The following CIAPIN1 variants were observed in gnomAD, a reference collection of about 807,000 sequenced individuals.
CIAPIN1 encodes cytokine induced apoptosis inhibitor 1.
A neutral mutation model predicts 34.3 loss-of-function variants in CIAPIN1; 18 were observed. The observed-to-expected ratio is 0.52, with a 90% CI of 0.36 to 0.78. The LOEUF is 0.78. Among genes scored for constraint, CIAPIN1 ranks in the 30% least tolerant of loss-of-function variants. CIAPIN1 has a pLI of 0.00. For synonymous variants in CIAPIN1, 131 were observed against 140.4 expected (o/e 0.93, Z 0.47); for missense variants, 310 against 372.5 (o/e 0.83, Z 1.38).
chr16:57,429,954 T>C (rs2146554066), intron 8 of CIAPIN1, among the ~76,000 whole-genome samples: 1 of 152,292 alleles, frequency 6.6e-6, no homozygotes, highest in African/African-American at 2.4e-5. Context: ...CATAGTTCTA[T>C]ATTCTATGCA....
intron 1 of CIAPIN1, among the ~76,000 whole-genome samples, chr16:57,443,255 T>C (rs1486175600): frequency 6.7e-6 from 1 of 150,074 alleles, no homozygotes; most frequent in Non-Finnish European, 1.5e-5. Flanking sequence ...TTCTCACGCC[T>C]CAGTTTCCTG....
Position 57,436,527 on chromosome 16 carries a change from C to A in CIAPIN1, c.387+129G>T, listed in dbSNP as rs926265451. The A allele has an allele frequency of 3.7e-5, 22 of 596,974 alleles. No homozygotes were observed. In the African/African-American group the frequency reaches 4.3e-4, roughly 12 times the overall value. 37.0% of individuals were successfully genotyped at this position (596,974 alleles called of 1,614,324 possible). ...ACAGACGTGAGCCACCACACCCGGC[C>A]GATTCTCCCAAGTTTTGTCCTTTGA... On this transcript the variant is annotated intron_variant, in intron 4 of 8. Transcript: ENST00000394391.
At chr16:57,431,966 G>A (rs1903097028) in intron 6 of CIAPIN1, among the ~76,000 whole-genome samples, 1 of 152,222 alleles carries the variant, frequency 6.6e-6, no homozygotes, top group African/African-American at 2.4e-5. Flanking sequence ...CATATCGTAT[G>A]AAGTGAGAAC....
intron 4 of CIAPIN1, among the ~76,000 whole-genome samples, chr16:57,435,573 A>G (rs1443463698): frequency 1.3e-5 from 2 of 152,174 alleles, no homozygotes; most frequent in African/African-American, 4.8e-5. Flanking sequence ...TGGGTAGATC[A>G]CCTGAGGTCA....
rs376312615 is a variant in CIAPIN1 at position 57,432,436 on chromosome 16, C to T, written c.630+51G>A. 28 of 1,562,702 alleles carry T rather than the reference C, an allele frequency of 1.8e-5. No individual in the cohort carries two copies. The African/African-American group carries it at 3.5e-4, about 20-fold the overall frequency. On this transcript the variant is annotated intron_variant, in intron 6 of 8. Transcript: ENST00000394391. ...GAAAGGTCACTATAGCTGTTCACACCCAAACTGGGGCCTGAAAGAAAGCAA... is the reference window on the plus strand; with the variant it reads ...GAAAGGTCACTATAGCTGTTCACACTCAAACTGGGGCCTGAAAGAAAGCAA...
At chr16:57,430,391 C>T in intron 7 of CIAPIN1, 52 bp from the exon 8 acceptor site, 1 of 1,571,258 alleles carries the variant, frequency 6.4e-7, no homozygotes, top group Non-Finnish European at 8.8e-7. Flanking sequence ...CCCAGAAATC[C>T]CAAATCCTAA....
intron 3 of CIAPIN1, among the ~76,000 whole-genome samples, chr16:57,437,063 G>T (rs1180687232): frequency 1.3e-5 from 2 of 152,112 alleles, no homozygotes; most frequent in East Asian, 3.8e-4. Context: ...GGAGGCGGAG[G>T]TTGCAGTGAG....
chr16:57,431,084 A>C, intron 7 of CIAPIN1, 67 bp downstream of exon 7: 1 of 882,528 alleles, frequency 1.1e-6, no homozygotes, highest in Non-Finnish European at 1.9e-6. Flanking sequence ...ATAGTACAGC[A>C]CCGCGATGTC....
intron 1 of CIAPIN1, among the ~76,000 whole-genome samples, chr16:57,446,870 GA>G (rs1384718891): frequency 1.3e-5 from 2 of 152,170 alleles, no homozygotes; most frequent in African/African-American, 4.8e-5. Flanking sequence ...TTGCAGGTTC[GA>G]AATTACAATC....
chr16:57,432,299 C>T (rs569220817), intron 6 of CIAPIN1, among the ~76,000 whole-genome samples, 188 bp downstream of exon 6: 1 of 151,356 alleles, frequency 6.6e-6, no homozygotes, highest in Admixed American at 6.6e-5. Flanking sequence ...GGCAAGAGAG[C>T]GAGACTGTCT....
At chr16:57,440,669 A>G in intron 2 of CIAPIN1, 103 bp downstream of exon 2, 4 of 1,328,820 alleles carry the variant, frequency 3.0e-6, no homozygotes, top group Non-Finnish European at 4.1e-6. Context: ...CCACTATCAC[A>G]TGCCACCCTA....
At chr16:57,445,341 T>A (rs757148102) in intron 1 of CIAPIN1, among the ~76,000 whole-genome samples, 18 of 152,032 alleles carry the variant, frequency 1.2e-4, no homozygotes, top group Non-Finnish European at 1.9e-4. Flanking sequence ...AACCCGTCTC[T>A]ACTAAAAATA....
Position 57,436,672 on chromosome 16 carries a change from A to T in CIAPIN1, c.371T>A (p.Leu124His), listed in dbSNP as rs1194244757. 2 of 1,613,770 alleles carry T rather than the reference A, an allele frequency of 1.2e-6. No homozygotes were observed. The highest frequency in any genetic ancestry group is 2.2e-5 in the South Asian group (2 of 91,058). Residue 124 changes from leucine (L) to histidine (H), a missense_variant, in exon 4 of 9, where the codon CTT becomes CAT. Transcript: ENST00000394391. The stretch of plus-strand genomic sequence containing the variant: ...CAAACGTACCTCTTTCACTTCCACA[A>T]GACCAGAAAGAGTCAGGGCTGAACA... ...KLCSALTLSG[L>H]VEVKELQREP...
chr16:57,444,900 T>C (rs2029993154), intron 1 of CIAPIN1, among the ~76,000 whole-genome samples: 1 of 152,220 alleles, frequency 6.6e-6, no homozygotes, highest in Admixed American at 6.5e-5. Context: ...AGTTTCATAA[T>C]AAGAGGTAGC....
At chr16:57,446,497 T>C (rs1377642893) in intron 1 of CIAPIN1, among the ~76,000 whole-genome samples, 3 of 152,106 alleles carry the variant, frequency 2.0e-5, no homozygotes, top group Non-Finnish European at 4.4e-5. Context: ...AAACACAAAA[T>C]CGACAGAATC....
At chr16:57,430,057 C>T (rs993875912) in intron 8 of CIAPIN1, among the ~76,000 whole-genome samples, 1 of 152,212 alleles carries the variant, frequency 6.6e-6, no homozygotes, top group Non-Finnish European at 1.5e-5. Flanking sequence ...AGCAACAAGA[C>T]CCTCCCTGAC....
chr16:57,429,973 C>T (rs2146554082), intron 8 of CIAPIN1, among the ~76,000 whole-genome samples: 1 of 152,282 alleles, frequency 6.6e-6, no homozygotes, highest in South Asian at 2.1e-4. Flanking sequence ...CAGTTCAAAA[C>T]ACAACCAACT....
chr16:57,443,832 T>C (rs1158504534), intron 1 of CIAPIN1, among the ~76,000 whole-genome samples: 2 of 152,166 alleles, frequency 1.3e-5, no homozygotes, highest in Non-Finnish European at 2.9e-5. Flanking sequence ...GGAAGAACCC[T>C]TGCAAACTTC....
At chr16:57,430,683 G>A (rs1306535617) in intron 7 of CIAPIN1, 1 of 287,702 alleles carries the variant, frequency 3.5e-6, no homozygotes, top group Admixed American at 4.6e-5. Flanking sequence ...TTCCTGATTT[G>A]TAAATGCTGG....
Sources: allele counts gnomAD v4.1 joint callset (sites outside exome capture counted in the v4.1 genomes callset), GRCh38; gene constraint gnomAD v4.1.1; transcripts MANE v1.5; gene names NCBI Gene and HGNC (gene_info 2026-07-23, HGNC 2026-07-21).